The following GSDMA variants were observed in gnomAD, a reference collection of about 807,000 sequenced individuals.
The protein encoded by GSDMA is gasdermin-A.
A neutral mutation model predicts 54.3 loss-of-function variants in GSDMA; 55 were observed. The observed-to-expected ratio is 1.01, with a 90% confidence interval of 0.82 to 1.27. The LOEUF is 1.27. GSDMA is among the 50% of genes most tolerant of loss of function. GSDMA has a pLI of 0.00. For missense variants in GSDMA, 542 were observed against 542.6 expected, an observed-to-expected ratio of 1.00 and a Z score of 0.01; for synonymous variants, 211 against 224.7, an observed-to-expected ratio of 0.94 and a Z score of 0.54.
In GSDMA at chr17:39,977,644, C is replaced by T. The variant is rs903357988; in HGVS notation, c.*586C>T. The T allele has an allele frequency of 1.3e-5, 2 of 149,526 alleles. No individual in the cohort carries two copies. The highest frequency in any genetic ancestry group is 3.0e-5 in the Non-Finnish European group (2 of 67,272). The allele number at this position is 149,526 out of a possible 1,614,324, so 9.3% of individuals were successfully genotyped here. Reference sequence around the variant, plus strand: ...CACTCAGACTTTTAAAACTATGAGCCGTTTCAGCAAAACTGAGAAAAAAAG... The same window carrying T: ...CACTCAGACTTTTAAAACTATGAGCTGTTTCAGCAAAACTGAGAAAAAAAG... On this transcript the variant is annotated 3_prime_UTR_variant, in exon 12 of 12. Coordinates refer to ENST00000301659, the MANE Select transcript of GSDMA (RefSeq NM_178171.5).
rs189106408 is a variant in GSDMA at position 39,965,028 on chromosome 17, G to A, written c.-5-655G>A. ...CCAGCTACTCAGGAGGCTGAAGTGG[G>A]AGGATCAATTAAGCCTTGGCGGTCA... On this transcript the variant is annotated intron_variant, in intron 1 of 11. Transcript: ENST00000301659. Among the ~76,000 whole-genome samples, 13 of 152,074 alleles carry A rather than the reference G, an allele frequency of 8.5e-5. No individual in the cohort carries two copies. In the East Asian group the frequency reaches 2.3e-3, roughly 27 times the overall value.
At position 39,965,816 on chromosome 17, in the gene GSDMA, G is replaced by A. The variant is rs1979625239; in HGVS notation, c.129G>A (p.Arg43=). Residue 43 remains arginine (R), a synonymous_variant, in exon 2 of 12, where the codon AGG becomes AGA. Coordinates refer to ENST00000301659, the MANE Select transcript of GSDMA (RefSeq NM_178171.5). ...CCTTCTGCCTGGTGCTGAGGAAGAG[G>A]AAGAGCACGCTCTTCTGGGGGGCCC... is the stretch of plus-strand genomic sequence containing the variant. The part of the protein sequence containing the change: ...FHPFCLVLRK[R]KSTLFWGARY... 2 of 1,594,792 alleles carry A rather than the reference G, an allele frequency of 1.3e-6. No homozygotes were observed. The highest frequency in any genetic ancestry group is 2.7e-5 in the African/African-American group (2 of 74,510).
chr17:39,973,915 T>C (rs2144796025), intron 8 of GSDMA, 85 bp downstream of exon 8: 1 of 1,263,762 alleles, frequency 7.9e-7, no homozygotes, highest in Non-Finnish European at 1.1e-6. Flanking sequence ...AGTCATTCTT[T>C]GTCAGCTAAC....
At position 39,966,401 on chromosome 17, in the gene GSDMA, G is replaced by C. The variant is rs758837557; in HGVS notation, c.356G>C (p.Ser119Thr). The change falls in exon 3 of 12, where the codon AGT becomes ACT. Residue 119 changes from serine (S) to threonine (T), a missense_variant. Transcript: ENST00000301659. ...QNSTLEVQTLSVAPKALETVQ... is the reference protein window; with the variant it reads ...QNSTLEVQTLTVAPKALETVQ... The stretch of plus-strand genomic sequence containing the variant: ...AGCACTCTGGAGGTCCAGACACTCA[G>C]TGTGGCTCCCAAGGCCCTGGAGACC... The C allele has an allele frequency of 1.9e-6, 3 of 1,612,700 alleles. No homozygotes were observed. The highest frequency in any genetic ancestry group is 8.5e-7 in the Non-Finnish European group (1 of 1,179,582).
chr17:39,964,950 A>G (rs1979567065), intron 1 of GSDMA, among the ~76,000 whole-genome samples: 1 of 151,792 alleles, frequency 6.6e-6, no homozygotes, highest in Non-Finnish European at 1.5e-5. Context: ...ACATAGTGAG[A>G]CTCTGTCTCT....
At chr17:39,966,462 C>T in intron 3 of GSDMA, 25 bp downstream of exon 3, 3 of 1,567,748 alleles carry the variant, frequency 1.9e-6, no homozygotes, top group South Asian at 1.2e-5. Context: ...GACTGAGGGT[C>T]TCCCGGGATG....
chr17:39,969,769 G>T (rs1035699377), intron 3 of GSDMA, among the ~76,000 whole-genome samples: 1 of 151,814 alleles, frequency 6.6e-6, no homozygotes, highest in Non-Finnish European at 1.5e-5. Flanking sequence ...GAGAAGAATC[G>T]CTTGAACCCG....
intron 3 of GSDMA, among the ~76,000 whole-genome samples, chr17:39,969,251 G>A (rs1186425845): frequency 2.0e-5 from 3 of 151,614 alleles, no homozygotes; most frequent in Non-Finnish European, 2.9e-5. Context: ...TCAGGAGGTT[G>A]AGGCAAGGGG....
rs397965095 is a variant in GSDMA at position 39,977,292 on chromosome 17, CT to C, written c.*251del. ...CTTAAATTTTCTTTACTTTTCTTTT[CT>C]TTTTTTTTTTTTTTTTGAGATGGAG... is the stretch of plus-strand genomic sequence containing the variant. On this transcript the variant is annotated 3_prime_UTR_variant, in exon 12 of 12. Transcript: ENST00000301659. 0.04 allele frequency: 2,410 copies of C among 59,664 alleles called. 1 individual carries two copies. Among genetic ancestry groups the C allele is most frequent in the South Asian group, 0.11 (371 of 3,374 alleles). 3.7% of individuals were successfully genotyped at this position (59,664 alleles called of 1,614,324 possible).
rs1568127815 is a variant in GSDMA, at chr17:39,966,391, C to T, written c.346C>T (p.Gln116Ter). The stretch of plus-strand genomic sequence containing the variant: ...CTCGCAGAACAGCACTCTGGAGGTC[C>T]AGACACTCAGTGTGGCTCCCAAGGC... ...GLSQNSTLEV[Q>*]TLSVAPKALE... The change falls in exon 3 of 12, where the codon CAG (glutamine) becomes TAG (stop). Residue 116 changes from glutamine to a stop codon, truncating the protein, a stop_gained. Transcript: ENST00000301659. LOFTEE classifies it high-confidence loss of function. 4 of 1,613,422 alleles carry T rather than the reference C, an allele frequency of 2.5e-6. No individual in the cohort carries two copies. The highest frequency in any genetic ancestry group is 3.4e-6 in the Non-Finnish European group (4 of 1,179,722).
In GSDMA at chr17:39,965,982, G is replaced by A. The variant is rs560647119; in HGVS notation, c.214+81G>A. On this transcript the variant is annotated intron_variant, in intron 2 of 11. Coordinates refer to ENST00000301659, the MANE Select transcript of GSDMA (RefSeq NM_178171.5). ...CCTGGCCTGCAAGGAGGACCTCAAAGCTCCCTCTGGCCAGAGGTGATTAGA... is the reference window on the plus strand; with the variant it reads ...CCTGGCCTGCAAGGAGGACCTCAAAACTCCCTCTGGCCAGAGGTGATTAGA... 231 of 1,286,170 alleles carry A rather than the reference G, an allele frequency of 1.8e-4. 2 individuals are homozygous for A. In the Admixed American group the frequency reaches 4.4e-3, roughly 25 times the overall value. The allele number at this position is 1,286,170 out of a possible 1,614,324, so 79.7% of individuals were successfully genotyped here.
chr17:39,972,104 A>ACCCCCCCC, intron 5 of GSDMA, 25 bp from the exon 6 acceptor site: 3 of 348,172 alleles, frequency 8.6e-6, no homozygotes, highest in Non-Finnish European at 1.1e-5. Context: ...GTGTCCTCCC[A>ACCCCCCCC]CCCTCCCTCC....
chr17:39,964,106 C>A (rs1240796506), intron 1 of GSDMA, among the ~76,000 whole-genome samples: 1 of 152,122 alleles, frequency 6.6e-6, no homozygotes, highest in African/African-American at 2.4e-5. Flanking sequence ...AAGGAAGGTG[C>A]ATCAGAAGAG....
At chr17:39,972,298 C>T (rs1395244399) in intron 6 of GSDMA, 122 bp downstream of exon 6, 7 of 742,860 alleles carry the variant, frequency 9.4e-6, no homozygotes, top group Middle Eastern at 2.7e-4. Context: ...GCTTTTGTTT[C>T]CCAAGTCCCT....
At chr17:39,964,226 C>A (rs529378316) in intron 1 of GSDMA, among the ~76,000 whole-genome samples, 39 of 152,074 alleles carry the variant, frequency 2.6e-4, no homozygotes, top group African/African-American at 9.2e-4. Flanking sequence ...TCTTCAGATC[C>A]GGAAGCGGGT....
chr17:39,974,089 G>A (rs1193183814), intron 8 of GSDMA, among the ~76,000 whole-genome samples, 184 bp from the exon 9 acceptor site: 1 of 152,148 alleles, frequency 6.6e-6, no homozygotes, highest in Non-Finnish European at 1.5e-5. Context: ...CAACCCTCAG[G>A]TTAGGGTTGG....
intron 3 of GSDMA, among the ~76,000 whole-genome samples, chr17:39,966,732 C>T (rs1979688223): frequency 6.6e-6 from 1 of 152,182 alleles, no homozygotes; most frequent in Admixed American, 6.5e-5. Context: ...AGTCACTTCT[C>T]TTGGGACCTC....
chr17:39,967,759 G>T (rs1286317848), intron 3 of GSDMA, among the ~76,000 whole-genome samples: 1 of 152,210 alleles, frequency 6.6e-6, no homozygotes, highest in Non-Finnish European at 1.5e-5. Flanking sequence ...CGCAACCTCC[G>T]CCTCCCAGGT....
intron 11 of GSDMA, 100 bp downstream of exon 11, chr17:39,976,097 T>C (rs1980188293): frequency 2.6e-6 from 2 of 779,580 alleles, no homozygotes; most frequent in Middle Eastern, 3.2e-4. Flanking sequence ...GGAGGATCCC[T>C]GTCTTATCCC....
Sources: allele counts gnomAD v4.1 joint callset (sites outside exome capture counted in the v4.1 genomes callset), GRCh38; gene constraint gnomAD v4.1.1; transcripts MANE v1.5; gene names NCBI Gene and HGNC (gene_info 2026-07-23, HGNC 2026-07-21).